GSTO2: variants seen among roughly 807,000 people sequenced by gnomAD.
The protein encoded by GSTO2 is glutathione S-transferase omega-2.
A neutral mutation model predicts 28.4 loss-of-function variants in GSTO2; 23 were observed. The observed-to-expected ratio is 0.81, with a 90% confidence interval of 0.58 to 1.15. GSTO2 has a LOEUF of 1.15. GSTO2 is among the 50% of genes most tolerant of loss of function. The pLI, the probability that GSTO2 is intolerant of heterozygous loss-of-function variation, is 0.00. For missense variants in GSTO2, 298 were observed against 297.8 expected (o/e 1.00, Z 0.00); for synonymous variants, 109 against 111.0 (o/e 0.98, Z 0.11).
chr10:104,297,990 G>A (rs2013124373), intron 6 of GSTO2, among the ~76,000 whole-genome samples: 1 of 152,196 alleles, frequency 6.6e-6, no homozygotes, highest in African/African-American at 2.4e-5. Flanking sequence ...GAGAGTCACA[G>A]TCACAGTCAC....
At chr10:104,291,659 C>G (rs1012849394) in intron 5 of GSTO2, 1 of 152,166 alleles carries the variant, frequency 6.6e-6, no homozygotes, top group African/African-American at 2.4e-5. Flanking sequence ...GGGGCCCTCG[C>G]AGAAGATGAG....
chr10:104,299,083 A>G (rs754382531), intron 6 of GSTO2, 45 bp from the exon 7 acceptor site: 2 of 1,501,378 alleles, frequency 1.3e-6, no homozygotes, highest in Non-Finnish European at 1.8e-6. Context: ...CCCTTTCCTG[A>G]TGCCTACCCC....
In GSTO2 at chr10:104,274,697, G is replaced by A. The variant is rs906053583; in HGVS notation, c.-219G>A. ...TGTTTTTTGCCAGCTCCTACTCTCGGGCTTCCAAATCTGGGGCGATGTCTC... is the reference window on the plus strand; with the variant it reads ...TGTTTTTTGCCAGCTCCTACTCTCGAGCTTCCAAATCTGGGGCGATGTCTC... On this transcript the variant is annotated 5_prime_UTR_variant, in exon 2 of 7. Coordinates refer to ENST00000338595, the MANE Select transcript of GSTO2 (RefSeq NM_183239.2). The A allele has an allele frequency of 1.4e-5, 8 of 592,466 alleles. No homozygotes were observed. Among genetic ancestry groups the A allele is most frequent in the African/African-American group, 3.9e-5 (2 of 51,626 alleles). The allele number at this position is 592,466 out of a possible 1,614,324, so 36.7% of individuals were successfully genotyped here.
chr10:104,276,792 A>G (rs758317690), intron 3 of GSTO2, among the ~76,000 whole-genome samples: 1 of 152,152 alleles, frequency 6.6e-6, no homozygotes, highest in Non-Finnish European at 1.5e-5. Flanking sequence ...GTTTAAGACA[A>G]TCTCCTAGAC....
chr10:104,297,982 G>GAGTCAC (rs1416609022), intron 6 of GSTO2, among the ~76,000 whole-genome samples: 5 of 152,200 alleles, frequency 3.3e-5, no homozygotes, highest in African/African-American at 9.7e-5. Context: ...AGCAAGTGGA[G>GAGTCAC]AGTCACAGTC....
At chr10:104,271,495 T>C (rs2011404267) in intron 1 of GSTO2, among the ~76,000 whole-genome samples, 1 of 152,236 alleles carries the variant, frequency 6.6e-6, no homozygotes, top group Non-Finnish European at 1.5e-5. Flanking sequence ...TTATTGGTGT[T>C]CTCATTTTGC....
chr10:104,299,360 C>T lies in GSTO2; in HGVS notation c.*76C>T. 3 of 1,469,576 alleles carry T rather than the reference C, an allele frequency of 2.0e-6. No individual in the cohort carries two copies. Among genetic ancestry groups the T allele is most frequent in the Non-Finnish European group, 2.8e-6 (3 of 1,068,118 alleles). The allele number at this position is 1,469,576 out of a possible 1,614,324, so 91.0% of individuals were successfully genotyped here. A position where few individuals can be genotyped will look rare whatever the true frequency, so the allele number is the denominator to read the frequency against. On this transcript the variant is annotated 3_prime_UTR_variant, in exon 7 of 7. Transcript: ENST00000338595. ...TCTACGTCACGGCTTGTCTTGGGAACCAATCCGTCTCTCTTTCTTTTCTTT... is the reference window on the plus strand; with the variant it reads ...TCTACGTCACGGCTTGTCTTGGGAATCAATCCGTCTCTCTTTCTTTTCTTT...
intron 2 of GSTO2, 97 bp downstream of exon 2, chr10:104,275,046 G>T: frequency 6.7e-7 from 1 of 1,496,572 alleles, no homozygotes; most frequent in Non-Finnish European, 8.9e-7. Context: ...CAGACCGGCG[G>T]GGCAGGAAGG....
Position 104,275,162 on chromosome 10 carries a change from G to T in GSTO2, c.35-64G>T. On this transcript the variant is annotated intron_variant, in intron 2 of 6. Transcript: ENST00000338595. Reference sequence around the variant, plus strand: ...TCTTGGGATCTGGGCAAGTGAGCGAGCTCCTTCCTCACCGGGCTGACTAGC... The same window carrying T: ...TCTTGGGATCTGGGCAAGTGAGCGATCTCCTTCCTCACCGGGCTGACTAGC... 5.8e-6 allele frequency: 9 copies of T among 1,547,922 alleles called. No individual in the cohort carries two copies. The South Asian group carries it at 9.9e-5, about 17-fold the overall frequency.
chr10:104,275,203 C>G (rs769508351), intron 2 of GSTO2, 23 bp from the exon 3 acceptor site: 2 of 1,598,710 alleles, frequency 1.3e-6, no homozygotes, highest in Non-Finnish European at 8.5e-7. Context: ...CTTTCCCTGT[C>G]CCCCTCCATC....
intron 5 of GSTO2, among the ~76,000 whole-genome samples, chr10:104,286,686 TG>T (rs2012449725): frequency 6.6e-6 from 1 of 152,228 alleles, no homozygotes; most frequent in Admixed American, 6.5e-5. Flanking sequence ...GTATTAGTGC[TG>T]TTGCTAGTTG....
chr10:104,273,218 G>C (rs1237458010), intron 1 of GSTO2, among the ~76,000 whole-genome samples: 4 of 152,132 alleles, frequency 2.6e-5, no homozygotes, highest in Non-Finnish European at 5.9e-5. Context: ...AAGTTACTCT[G>C]TTACTTTCTC....
At chr10:104,298,365 A>G (rs1447781446) in intron 6 of GSTO2, among the ~76,000 whole-genome samples, 4 of 152,242 alleles carry the variant, frequency 2.6e-5, no homozygotes, top group Non-Finnish European at 4.4e-5. Flanking sequence ...CTGCTGAAGC[A>G]GAACTGTGTC....
Position 104,277,972 on chromosome 10 carries a change from C to A in GSTO2, c.222C>A (p.Val74=). ...YTKHPFGHIP[V]LETSQCQLIY... ...AGCACCCTTTTGGCCACATTCCTGT[C>A]CTGGAGACCAGCCAATGTCAACTGA... Residue 74 remains valine, a synonymous_variant, in exon 4 of 7, where the codon GTC becomes GTA. Coordinates refer to ENST00000338595, the MANE Select transcript of GSTO2 (RefSeq NM_183239.2). 1 of 1,614,024 alleles carries A rather than the reference C, an allele frequency of 6.2e-7. No individual in the cohort carries two copies. The highest frequency in any genetic ancestry group is 8.5e-7 in the Non-Finnish European group (1 of 1,179,918).
At position 104,299,416 on chromosome 10, in the gene GSTO2, G is replaced by A. The variant is rs2013192550; in HGVS notation, c.*132G>A. On this transcript the variant is annotated 3_prime_UTR_variant, in exon 7 of 7. Transcript: ENST00000338595. ...TCCCAATAAAATGAAAACAGGAAAT[G>A]TATTCTTCTGATAATCATTTGTCTG... 4 of 1,013,844 alleles carry A rather than the reference G, an allele frequency of 3.9e-6. No individual in the cohort carries two copies. The highest frequency in any genetic ancestry group is 2.4e-5 in the Admixed American group (1 of 41,136). 62.8% of individuals were successfully genotyped at this position (1,013,844 alleles called of 1,614,324 possible).
At chr10:104,290,643 G>A (rs567737119) in intron 5 of GSTO2, among the ~76,000 whole-genome samples, 16 of 152,328 alleles carry the variant, frequency 1.1e-4, no homozygotes, top group African/African-American at 3.6e-4. Context: ...GCCAGGCACA[G>A]AAAGACAAAC....
chr10:104,274,809 A>T lies in GSTO2; in HGVS notation c.-107A>T, dbSNP rs559872679. 7.3e-7 allele frequency: 1 copy of T among 1,367,612 alleles called. No homozygotes were observed. Among genetic ancestry groups the T allele is most frequent in the East Asian group, 2.5e-5 (1 of 39,956 alleles). The allele number at this position is 1,367,612 out of a possible 1,614,324, so 84.7% of individuals were successfully genotyped here. On this transcript the variant is annotated 5_prime_UTR_variant, in exon 2 of 7. Transcript: ENST00000338595. ...GTAGTTCAAAAATTAAATTTGGGGC[A>T]AGGGGTGCGCGCCAGAGCGCAGCTG...
chr10:104,271,319 C>T (rs919763029), intron 1 of GSTO2, among the ~76,000 whole-genome samples: 18 of 152,194 alleles, frequency 1.2e-4, no homozygotes, highest in African/African-American at 3.9e-4. Context: ...AGCCGAATCA[C>T]AGTGTGCTTC....
intron 5 of GSTO2, among the ~76,000 whole-genome samples, chr10:104,287,275 C>T (rs1589868543): frequency 2.0e-5 from 3 of 152,118 alleles, no homozygotes; most frequent in South Asian, 2.1e-4. Flanking sequence ...AGGCTGGTGT[C>T]GAACTCCTGG....
Sources: allele counts gnomAD v4.1 joint callset (sites outside exome capture counted in the v4.1 genomes callset), GRCh38; gene constraint gnomAD v4.1.1; transcripts MANE v1.5; gene names NCBI Gene and HGNC (gene_info 2026-07-23, HGNC 2026-07-21).